The following LGI3 variants were observed in gnomAD, a reference collection of about 807,000 sequenced individuals.
LGI3 encodes the protein leucine-rich repeat LGI family member 3.
Under a neutral mutation model 55.4 loss-of-function variants are expected in LGI3, and 47 were observed. That is an observed-to-expected ratio of 0.85 (90% CI 0.67 to 1.08). The LOEUF (loss-of-function observed/expected upper bound fraction) is 1.08. LGI3 is among the 50% of genes least tolerant of loss of function. LGI3 has a pLI of 0.00. For synonymous variants in LGI3, 326 were observed against 315.0 expected (o/e 1.04, Z -0.37); for missense variants, 664 against 726.3 (o/e 0.91, Z 0.99).
Position 22,156,573 on chromosome 8 carries a change from G to A in LGI3, c.-31C>T. 4 of 937,844 alleles carry A rather than the reference G, an allele frequency of 4.3e-6. No individual in the cohort carries two copies. Among genetic ancestry groups the A allele is most frequent in the South Asian group, 4.6e-5 (1 of 21,568 alleles). 58.1% of individuals were successfully genotyped at this position (937,844 alleles called of 1,614,324 possible). A position where few individuals can be genotyped will look rare whatever the true frequency, so the allele number is the denominator to read the frequency against. The stretch of plus-strand genomic sequence containing the variant: ...CCGCGATCTCTCCCTGGGGCCGGCG[G>A]CCGCGGCCCCCGCCCCACCGCTCCC... On this transcript the variant is annotated 5_prime_UTR_variant, in exon 1 of 8. Transcript: ENST00000306317.
chr8:22,154,712 C>A, intron 2 of LGI3, 81 bp from the exon 3 acceptor site: 2 of 1,099,898 alleles, frequency 1.8e-6, no homozygotes, highest in African/African-American at 1.5e-5. Context: ...CAGCCCTGGG[C>A]TTCCCCAAGA....
intron 2 of LGI3, 176 bp downstream of exon 2, chr8:22,155,216 C>T: frequency 1.5e-6 from 1 of 655,302 alleles, no homozygotes; most frequent in South Asian, 1.8e-5. Flanking sequence ...CCCCGACTCC[C>T]CTGACTCAAG....
chr8:22,153,701 C>T (rs1304049466), intron 5 of LGI3, among the ~76,000 whole-genome samples: 4 of 141,890 alleles, frequency 2.8e-5, no homozygotes, highest in Non-Finnish European at 4.5e-5. Flanking sequence ...AGTGAGACTC[C>T]GTCTATAATT....
intron 2 of LGI3, 120 bp from the exon 3 acceptor site, chr8:22,154,751 A>T: frequency 1.3e-6 from 1 of 761,146 alleles, no homozygotes; most frequent in Non-Finnish European, 2.3e-6. Flanking sequence ...ACCCCTGGGG[A>T]CCCCATGGGG....
chr8:22,148,413 C>T lies in LGI3; in HGVS notation c.1394G>A (p.Arg465Gln), dbSNP rs775238974. The change falls in exon 8 of 8, where the codon CGG becomes CAG. Residue 465 changes from arginine (R) to glutamine (Q), a missense_variant. By Grantham distance (43) the Arg-to-Gln change is conservative. Transcript: ENST00000306317. The surrounding 1 kb of genome is among the most constrained non-coding windows in gnomAD (Gnocchi z 7.0). ...RFSEVQALPSRGSLALQPFLV... is the reference protein window; with the variant it reads ...RFSEVQALPSQGSLALQPFLV... ...GAAGGGCTGCAGGGCCAGCGAGCCCCGGGAGGGCAGGGCCTGCACCTCCGA... is the reference window on the plus strand; with the variant it reads ...GAAGGGCTGCAGGGCCAGCGAGCCCTGGGAGGGCAGGGCCTGCACCTCCGA... 6 of 1,612,360 alleles carry T rather than the reference C, an allele frequency of 3.7e-6. No individual in the cohort carries two copies. The highest frequency in any genetic ancestry group is 2.2e-5 in the East Asian group (1 of 44,858).
chr8:22,151,402 C>T, intron 7 of LGI3, 87 bp downstream of exon 7: 1 of 1,331,900 alleles, frequency 7.5e-7, no homozygotes, highest in Non-Finnish European at 1.1e-6. Flanking sequence ...ATCCCTCTAC[C>T]TACAGGAACT....
In LGI3 at chr8:22,156,166, G is replaced by A. The variant is rs76714104; in HGVS notation, c.206+171C>T. Among the ~76,000 whole-genome samples, 601 of 152,338 alleles carry A rather than the reference G, an allele frequency of 3.9e-3. 1 individual carries two copies. Among genetic ancestry groups the A allele is most frequent in the Non-Finnish European group, 6.6e-3 (450 of 68,026 alleles). On this transcript the variant is annotated intron_variant, in intron 1 of 7. Transcript: ENST00000306317. ...CCATGGCCGCTGAGCCTGCAAAACT[G>A]CAGAACTCCCTGCCCGACTGGTGCC...
chr8:22,154,518 C>A (rs1338146244), intron 3 of LGI3, 42 bp downstream of exon 3: 2 of 1,577,184 alleles, frequency 1.3e-6, no homozygotes, highest in Non-Finnish European at 1.7e-6. Context: ...CTGGGGTCCC[C>A]CTCCCTTCTG....
chr8:22,154,473 A>G, intron 3 of LGI3, 87 bp downstream of exon 3: 2 of 1,186,120 alleles, frequency 1.7e-6, no homozygotes, highest in Non-Finnish European at 2.5e-6. Context: ...CGGCATTCTC[A>G]TCCACTCCCT....
intron 7 of LGI3, among the ~76,000 whole-genome samples, 169 bp downstream of exon 7, chr8:22,151,320 T>C (rs779395827): frequency 3.3e-4 from 50 of 152,288 alleles, no homozygotes; most frequent in Non-Finnish European, 6.3e-4. Context: ...ATCATATGGA[T>C]GTTATCGGTG....
In LGI3 at chr8:22,153,951, C is replaced by A; in HGVS notation, c.494+17G>T. On this transcript the variant is annotated intron_variant, in intron 5 of 7. Coordinates refer to ENST00000306317, the MANE Select transcript of LGI3 (RefSeq NM_139278.4). The stretch of plus-strand genomic sequence containing the variant: ...CCCTCTGCGGCACTGTTGGAAGAGG[C>A]AGGACTCAGGCCTTACAAGTCATTC... The A allele has an allele frequency of 6.2e-7, 1 of 1,612,542 alleles. No individual in the cohort carries two copies. Among genetic ancestry groups the A allele is most frequent in the Non-Finnish European group, 8.5e-7 (1 of 1,179,038 alleles).
At chr8:22,151,348 C>T (rs548972130) in intron 7 of LGI3, 141 bp downstream of exon 7, 24 of 791,322 alleles carry the variant, frequency 3.0e-5, no homozygotes, top group Admixed American at 6.8e-5. Flanking sequence ...TGGCCTCTTC[C>T]CAAAGACTGG....
At chr8:22,153,150 T>C (rs1827402564) in intron 5 of LGI3, among the ~76,000 whole-genome samples, 1 of 150,426 alleles carries the variant, frequency 6.6e-6, no homozygotes, top group African/African-American at 2.4e-5. Flanking sequence ...AATGGCATGA[T>C]CTTGGCTTAC....
chr8:22,148,285 G>A lies in LGI3; in HGVS notation c.1522C>T (p.Leu508=). The A allele has an allele frequency of 6.2e-7, 1 of 1,614,188 alleles. No homozygotes were observed. Among genetic ancestry groups the A allele is most frequent in the Non-Finnish European group, 8.5e-7 (1 of 1,180,020 alleles). The change falls in exon 8 of 8, where the codon CTG becomes TTG. Residue 508 remains leucine (L), a synonymous_variant. Transcript: ENST00000306317. The surrounding 1 kb of genome is among the most constrained non-coding windows in gnomAD (Gnocchi z 7.0). The stretch of plus-strand genomic sequence containing the variant: ...AAGGCCCGAGGAGCCTGCACAGCCA[G>A]CTCCTGGAACCGTACAAACTTCTGT... ...GRQKFVRFQE[L]AVQAPRAFCY...
In LGI3 at chr8:22,150,409, A is replaced by T. The variant is rs1358039856; in HGVS notation, c.829+1080T>A. 4.0e-5 allele frequency among the ~76,000 whole-genome samples: 5 copies of T among 124,302 alleles called. No homozygotes were observed. In the Admixed American group the frequency reaches 5.3e-4, roughly 13 times the overall value. The allele number at this position is 124,302 out of a possible 152,430, so 81.5% of individuals were successfully genotyped here. A position where few individuals can be genotyped will look rare whatever the true frequency, so the allele number is the denominator to read the frequency against. ...AGTCTCGCTCTGTCACCCAGGCTGG[A>T]CCGCAGTGGTGTGATCTTGGCTCGC... On this transcript the variant is annotated intron_variant, in intron 7 of 7. Transcript: ENST00000306317.
intron 5 of LGI3, among the ~76,000 whole-genome samples, chr8:22,153,429 G>A (rs778419620): frequency 5.3e-5 from 8 of 150,942 alleles, no homozygotes; most frequent in South Asian, 2.1e-4. Flanking sequence ...TTGGCTGAGC[G>A]CGGTGGCTCA....
intron 7 of LGI3, among the ~76,000 whole-genome samples, chr8:22,150,337 A>C (rs1464870897): frequency 6.8e-6 from 1 of 146,222 alleles, no homozygotes; most frequent in African/African-American, 2.5e-5. Flanking sequence ...ATCTTGTGTC[A>C]GTTTAAGCCT....
intron 6 of LGI3, 83 bp from the exon 7 acceptor site, chr8:22,151,736 C>T (rs527499426): frequency 1.3e-4 from 198 of 1,573,276 alleles, no homozygotes; most frequent in Non-Finnish European, 1.6e-4. Context: ...TTACTGCTGC[C>T]GCTGGGTGTT....
At chr8:22,155,319 TC>T in intron 2 of LGI3, 72 bp downstream of exon 2, 1 of 1,412,200 alleles carries the variant, frequency 7.1e-7, no homozygotes. Flanking sequence ...ACTCTCCCTC[TC>T]CCCAGCCCAG....
Sources: gnomAD v4.1 joint callset for allele counts (sites outside exome capture counted in the v4.1 genomes callset) on GRCh38, gnomAD v4.1.1 for gene constraint, Gnocchi (gnomAD v3.1) non-coding constraint, MANE v1.5 for transcripts, NCBI Gene and HGNC (gene_info 2026-07-23, HGNC 2026-07-21) for gene names.